PTPRA: variants seen among roughly 807,000 people sequenced by gnomAD.
PTPRA encodes the protein protein tyrosine phosphatase receptor type A.
A neutral mutation model predicts 104.8 loss-of-function variants in PTPRA; 25 were observed. The observed-to-expected ratio is 0.24, with a 90% CI of 0.17 to 0.33. PTPRA has a LOEUF of 0.33. PTPRA is among the 10% of genes least tolerant of loss of function. The pLI is 1.00. For missense variants in PTPRA, 765 were observed against 1,015.3 expected (o/e 0.75, Z 3.35); for synonymous variants, 323 against 368.9 (o/e 0.88, Z 1.43).
rs1372313599 is a variant in PTPRA, at chr20:3,022,193, A to G, written c.1301A>G (p.Tyr434Cys). The G allele has an allele frequency of 3.1e-6, 5 of 1,614,184 alleles. No individual in the cohort carries two copies. The highest frequency in any genetic ancestry group is 2.2e-5 in the East Asian group (1 of 44,892). Residue 434 changes from tyrosine (Y) to cysteine (C), a missense_variant, in exon 15 of 24, where the codon TAT (tyrosine) becomes TGT (cysteine). Tyr to Cys is a radical substitution (Grantham distance 194, BLOSUM62 -2). Around this residue, in one of 4 missense-constraint regions of PTPRA, gnomAD observed 245 missense variants for 398.7 expected, o/e 0.61. Coordinates refer to ENST00000399903, the MANE Select transcript of PTPRA (RefSeq NM_001385305.1). The surrounding 1 kb of genome is among the most constrained non-coding windows in gnomAD (Gnocchi z 4.6). Reference protein sequence around the residue: ...LKKVKACNPQYAGAIVVHCSA... With the variant: ...LKKVKACNPQCAGAIVVHCSA... ...AAGGTGAAGGCCTGTAACCCTCAGTATGCAGGGGCCATCGTGGTCCACTGC... is the reference window on the plus strand; with the variant it reads ...AAGGTGAAGGCCTGTAACCCTCAGTGTGCAGGGGCCATCGTGGTCCACTGC...
intron 6 of PTPRA, among the ~76,000 whole-genome samples, chr20:2,984,240 C>T (rs932788566): frequency 1.3e-5 from 2 of 152,166 alleles, no homozygotes; most frequent in Admixed American, 6.5e-5. Flanking sequence ...ACCTCACTCA[C>T]ATCTCCCTCC....
In PTPRA at chr20:3,022,405, G is replaced by A. The variant is rs1352644791; in HGVS notation, c.1328+185G>A. Among the ~76,000 whole-genome samples, 1 of 152,252 alleles carries A rather than the reference G, an allele frequency of 6.6e-6. No individual in the cohort carries two copies. Among genetic ancestry groups the A allele is most frequent in the Non-Finnish European group, 1.5e-5 (1 of 68,040 alleles). ...GTGGAGAATATGACTTGAGGAAGGA[G>A]GGTAGGGCAGTCCTCCAAGATTAGG... On this transcript the variant is annotated intron_variant, in intron 15 of 23. Transcript: ENST00000399903. The surrounding 1 kb of genome is among the most constrained non-coding windows in gnomAD (Gnocchi z 4.6).
intron 1 of PTPRA, among the ~76,000 whole-genome samples, chr20:2,875,120 C>G (rs974853796): frequency 6.6e-6 from 1 of 152,108 alleles, no homozygotes; most frequent in African/African-American, 2.4e-5. Flanking sequence ...TCTCTTATGC[C>G]TAGGCTCTGT....
rs1211583197 is a variant in PTPRA at position 3,037,159 on chromosome 20, G to T, written c.2204G>T (p.Gly735Val). ...NHPITVHCSA[G>V]AGRTGTFCAL... is the part of the protein sequence containing the mutation. ...ATGTGTCTGCTCTGTTGCAGCGCCG[G>T]GGCAGGAAGGACGGGGACCTTCTGT... The change falls in exon 23 of 24, where the codon GGG becomes GTG. Residue 735 changes from glycine to valine, a missense_variant. Physicochemically the swap from Gly to Val is moderately radical, Grantham distance 109. Transcript: ENST00000399903. This position sits in a 1 kb window ranked among gnomAD's most constrained non-coding sequence, Gnocchi z 4.3. The T allele has an allele frequency of 1.9e-6, 3 of 1,614,056 alleles. No homozygotes were observed. Among genetic ancestry groups the T allele is most frequent in the South Asian group, 1.1e-5 (1 of 91,068 alleles).
intron 5 of PTPRA, among the ~76,000 whole-genome samples, chr20:2,967,544 C>G (rs1200038002): frequency 6.6e-6 from 1 of 151,976 alleles, no homozygotes; most frequent in East Asian, 1.9e-4. Flanking sequence ...TAATACTTAC[C>G]TTATTTTTTG....
intron 2 of PTPRA, among the ~76,000 whole-genome samples, chr20:2,932,439 T>C (rs1421551209): frequency 1.3e-5 from 2 of 152,170 alleles, no homozygotes; most frequent in Non-Finnish European, 2.9e-5. Context: ...TCCGTGTCTA[T>C]TTGTAAACAA....
At chr20:2,994,679 C>A (rs142039449) in intron 9 of PTPRA, among the ~76,000 whole-genome samples, 1 of 152,202 alleles carries the variant, frequency 6.6e-6, no homozygotes, top group African/African-American at 2.4e-5. Context: ...CTACTTTGTG[C>A]CCAGGTTTTT....
At chr20:3,036,018 A>G in intron 22 of PTPRA, 77 bp downstream of exon 22, 2 of 1,597,898 alleles carry the variant, frequency 1.3e-6, no homozygotes, top group Non-Finnish European at 1.7e-6. Context: ...ACCATGGGTC[A>G]GACTGAAGAA....
At chr20:2,864,579 G>C in the PTPRA span, 1 of 1,614,150 alleles carries the variant, frequency 6.2e-7, no homozygotes, top group South Asian at 1.1e-5. The surrounding 1 kb of genome is among the most constrained non-coding windows in gnomAD (Gnocchi z 5.2). Flanking sequence ...AGACGCTGAA[G>C]GACCTTTACA....
chr20:2,943,476 A>G (rs1166378938), intron 2 of PTPRA, among the ~76,000 whole-genome samples: 1 of 152,158 alleles, frequency 6.6e-6, no homozygotes, highest in African/African-American at 2.4e-5. Flanking sequence ...AAGCCCACCT[A>G]CATTATGGAG....
chr20:2,909,924 T>TA lies in PTPRA; in HGVS notation c.-128-13283_-128-13282insA, dbSNP rs2059582412. ...TATATGACATATATATGTTATATAT[T>TA]GTTATATATAATATGTGTAATTATA... On this transcript the variant is annotated intron_variant, in intron 1 of 23. Coordinates refer to ENST00000399903, the MANE Select transcript of PTPRA (RefSeq NM_001385305.1). 1.9e-4 allele frequency among the ~76,000 whole-genome samples: 24 copies of TA among 126,794 alleles called. 1 individual carries two copies. Among genetic ancestry groups the TA allele is most frequent in the Admixed American group, 1.1e-3 (13 of 11,514 alleles). The allele number at this position is 126,794 out of a possible 152,430, so 83.2% of individuals were successfully genotyped here.
chr20:2,923,485 C>CTT lies in PTPRA; in HGVS notation c.-50+210_-50+211dup, dbSNP rs1161122006. On this transcript the variant is annotated intron_variant, in intron 2 of 23. Coordinates refer to ENST00000399903, the MANE Select transcript of PTPRA (RefSeq NM_001385305.1). The stretch of plus-strand genomic sequence containing the variant: ...TTATGAATCAGAATCACTTGAAGAG[C>CTT]TTTTTTTTTTTAAAAAAAAAGACCA... Among the ~76,000 whole-genome samples the CTT allele has an allele frequency of 6.9e-4, 101 of 146,730 alleles. 2 individuals carry two copies. The highest frequency in any genetic ancestry group is 2.5e-3 in the African/African-American group (98 of 39,984).
chr20:2,942,767 A>G (rs2060966279), intron 2 of PTPRA, among the ~76,000 whole-genome samples: 1 of 151,174 alleles, frequency 6.6e-6, no homozygotes, highest in African/African-American at 2.4e-5. Context: ...GCTACTACCT[A>G]GTAGAATTAA....
Position 2,910,392 on chromosome 20 carries a change from A to ATATAT in PTPRA, c.-128-12814_-128-12810dup, listed in dbSNP as rs1444270715. ...ATATATTTTGTATATTATATATTTTATATATAATATATTTTGTATATTATA... is the reference window on the plus strand; with the variant it reads ...ATATATTTTGTATATTATATATTTTATATATTATATAATATATTTTGTATATTATA... On this transcript the variant is annotated intron_variant, in intron 1 of 23. Transcript: ENST00000399903. Among the ~76,000 whole-genome samples the ATATAT allele has an allele frequency of 1.5e-3, 111 of 74,936 alleles. 1 individual carries two copies. Among genetic ancestry groups the ATATAT allele is most frequent in the African/African-American group, 7.1e-3 (109 of 15,254 alleles). The allele number at this position is 74,936 out of a possible 152,430, so 49.2% of individuals were successfully genotyped here.
chr20:2,930,891 A>G (rs2060479384), intron 2 of PTPRA, among the ~76,000 whole-genome samples: 1 of 152,186 alleles, frequency 6.6e-6, no homozygotes, highest in South Asian at 2.1e-4. Context: ...CAAACTGTGA[A>G]GCATTTCCTA....
chr20:3,033,416 G>A (rs1213183736), intron 20 of PTPRA, among the ~76,000 whole-genome samples: 1 of 151,820 alleles, frequency 6.6e-6, no homozygotes, highest in Non-Finnish European at 1.5e-5. Flanking sequence ...CAGCGTAACT[G>A]CTGTCATCTG....
chr20:3,030,423 T>C (rs6037457), intron 20 of PTPRA, among the ~76,000 whole-genome samples: 3,184 of 152,262 alleles, frequency 0.021, 89 homozygotes, highest in African/African-American at 0.059. Context: ...GTTAGTGATG[T>C]TCTTTACAAG....
the PTPRA span, chr20:2,864,993 G>A: frequency 2.5e-6 from 4 of 1,614,156 alleles, no homozygotes; most frequent in Admixed American, 5.0e-5. The surrounding 1 kb of genome is among the most constrained non-coding windows in gnomAD (Gnocchi z 5.2). Context: ...TGAGGGGCGA[G>A]TAGCAGCTCT....
At chr20:2,871,707 A>T (rs2146702412), upstream of PTPRA, among the ~76,000 whole-genome samples, 1 of 152,202 alleles carries the variant, frequency 6.6e-6, no homozygotes, top group Non-Finnish European at 1.5e-5. Context: ...TCACTTTTCC[A>T]TTCGGTGTTG....
Sources: allele counts gnomAD v4.1 joint callset (sites outside exome capture counted in the v4.1 genomes callset), GRCh38; gene constraint gnomAD v4.1.1; regional missense constraint gnomAD v4.1.1; non-coding constraint Gnocchi (gnomAD v3.1); transcripts MANE v1.5; gene names NCBI Gene and HGNC (gene_info 2026-07-23, HGNC 2026-07-21).